Variants in KHDRBS2 observed in about 807,000 individuals in gnomAD.
KHDRBS2 encodes the protein KH RNA binding domain containing, signal transduction associated 2, also known as KH domain-containing, RNA-binding, signal transduction-associated protein 2.
A neutral mutation model predicts 44.3 loss-of-function variants in KHDRBS2; 26 were observed. That is an observed-to-expected ratio of 0.59 (90% CI 0.43 to 0.81). The LOEUF (loss-of-function observed/expected upper bound fraction) is 0.81, where lower values mean the gene tolerates loss of function less well. KHDRBS2 is among the 40% of genes least tolerant of loss of function. The pLI is 0.00. For synonymous variants in KHDRBS2, 194 were observed against 151.1 expected (o/e 1.28, Z -2.08); for missense variants, 476 against 433.1 (o/e 1.10, Z -0.88).
At chr6:61,614,394 T>G in the KHDRBS2 span, among the ~76,000 whole-genome samples, 6 of 152,172 alleles carry the variant, frequency 3.9e-5, no homozygotes, top group Non-Finnish European at 8.8e-5. Context: ...AAAAGAATCC[T>G]TTGCTAGGGA....
At chr6:62,084,429 C>T (rs2127357915) in intron 2 of KHDRBS2, among the ~76,000 whole-genome samples, 1 of 152,186 alleles carries the variant, frequency 6.6e-6, no homozygotes, top group Non-Finnish European at 1.5e-5. Flanking sequence ...TAAAGAAGAG[C>T]TCCCATGAAA....
Position 61,697,196 on chromosome 6 carries a change from G to A in KHDRBS2, c.951C>T (p.Tyr317=), listed in dbSNP as rs551423803. The A allele has an allele frequency of 2.3e-5, 37 of 1,599,544 alleles. No homozygotes were observed. Among genetic ancestry groups the A allele is most frequent in the African/African-American group, 6.7e-5 (5 of 74,696 alleles). ...HGVSEDAYDS[Y]APEEWATTRS... Reference sequence around the variant, plus strand: ...GTTTTAGTAAAGAAAAGGTCTTACCGTAGCTGTCATAGGCATCCTCACTTA... The same window carrying A: ...GTTTTAGTAAAGAAAAGGTCTTACCATAGCTGTCATAGGCATCCTCACTTA... The change falls in exon 8 of 9, where the codon TAC becomes TAT. Residue 317 remains tyrosine, a splice_region_variant and synonymous_variant. Coordinates refer to ENST00000281156, the MANE Select transcript of KHDRBS2 (RefSeq NM_152688.4).
the KHDRBS2 span, among the ~76,000 whole-genome samples, chr6:61,585,209 TA>T: frequency 2.7e-4 from 40 of 150,928 alleles, no homozygotes; most frequent in East Asian, 1.9e-3. Context: ...GAAAGAGTGA[TA>T]AAAAAAAATG....
At chr6:61,868,870 G>A (rs1798183334) in intron 6 of KHDRBS2, among the ~76,000 whole-genome samples, 1 of 152,166 alleles carries the variant, frequency 6.6e-6, no homozygotes, top group African/African-American at 2.4e-5. Flanking sequence ...GGGGATCCTT[G>A]GACTGGAGCA....
chr6:61,829,456 G>A lies in KHDRBS2; in HGVS notation c.810+65179C>T, dbSNP rs186533554. Among the ~76,000 whole-genome samples the A allele has an allele frequency of 9.2e-5, 14 of 152,194 alleles. No individual in the cohort carries two copies. In the South Asian group the frequency reaches 1.7e-3, roughly 18 times the overall value. ...TGGGATTACAAGCATGAGCCACTGC[G>A]CCCTATTGGATTGAGAATTTTAAGG... On this transcript the variant is annotated intron_variant, in intron 6 of 8. Coordinates refer to ENST00000281156, the MANE Select transcript of KHDRBS2 (RefSeq NM_152688.4).
intron 6 of KHDRBS2, among the ~76,000 whole-genome samples, chr6:61,768,669 T>C (rs185724546): frequency 2.0e-5 from 3 of 152,158 alleles, no homozygotes; most frequent in African/African-American, 7.2e-5. Context: ...TTTCAGTGTG[T>C]CAATTGCATT....
At chr6:61,735,464 T>C (rs1775188554) in intron 6 of KHDRBS2, among the ~76,000 whole-genome samples, 1 of 152,176 alleles carries the variant, frequency 6.6e-6, no homozygotes, top group Non-Finnish European at 1.5e-5. Flanking sequence ...ATTTATGAAT[T>C]TTGTAGCTAT....
At chr6:61,669,815 T>C in the KHDRBS2 span, among the ~76,000 whole-genome samples, 1 of 151,170 alleles carries the variant, frequency 6.6e-6, no homozygotes, top group Non-Finnish European at 1.5e-5. Context: ...GTGTGTACTA[T>C]GGATTAGTTC....
At chr6:61,737,174 C>A (rs1188050351) in intron 6 of KHDRBS2, among the ~76,000 whole-genome samples, 1 of 151,900 alleles carries the variant, frequency 6.6e-6, no homozygotes, top group Non-Finnish European at 1.5e-5. Context: ...TACTATTTGG[C>A]CCAGGAAGAT....
chr6:62,227,686 GA>G (rs1832139187), intron 1 of KHDRBS2, among the ~76,000 whole-genome samples: 1 of 152,142 alleles, frequency 6.6e-6, no homozygotes, highest in African/African-American at 2.4e-5. Flanking sequence ...TTTTTATTTT[GA>G]GATATGTTCT....
chr6:61,681,665 T>C (rs1409135267), intron 8 of KHDRBS2, among the ~76,000 whole-genome samples: 1 of 151,876 alleles, frequency 6.6e-6, no homozygotes, highest in Non-Finnish European at 1.5e-5. Context: ...TATCAGTTTT[T>C]CCAAGTAAAC....
At chr6:62,072,619 T>C (rs969836732) in intron 2 of KHDRBS2, among the ~76,000 whole-genome samples, 4 of 152,086 alleles carry the variant, frequency 2.6e-5, no homozygotes, top group African/African-American at 9.7e-5. Flanking sequence ...TTGTCTTTGG[T>C]TCTGTTTATA....
intron 7 of KHDRBS2, among the ~76,000 whole-genome samples, chr6:61,720,375 C>G (rs1032084979): frequency 1.2e-4 from 18 of 152,214 alleles, no homozygotes; most frequent in African/African-American, 2.9e-4. Flanking sequence ...AATGGTTGAA[C>G]TAGTTTACAG....
At chr6:62,278,673 A>G (rs1456202828) in intron 1 of KHDRBS2, among the ~76,000 whole-genome samples, 2 of 152,214 alleles carry the variant, frequency 1.3e-5, no homozygotes, top group African/African-American at 4.8e-5. Flanking sequence ...TAGAAAGTGG[A>G]AAAAAGGAGG....
chr6:61,817,022 A>C (rs115644110), intron 6 of KHDRBS2: 17 of 455,394 alleles, frequency 3.7e-5, no homozygotes, highest in African/African-American at 3.0e-4. Flanking sequence ...CATTAAGGAG[A>C]GGTACAGAGG....
At chr6:61,974,288 G>A (rs935915130) in intron 4 of KHDRBS2, among the ~76,000 whole-genome samples, 23 of 152,044 alleles carry the variant, frequency 1.5e-4, no homozygotes, top group African/African-American at 5.6e-4. Flanking sequence ...CCCTAGAGTT[G>A]CACAAGACAC....
chr6:62,139,335 G>A (rs572225611), intron 2 of KHDRBS2, among the ~76,000 whole-genome samples: 22 of 152,058 alleles, frequency 1.4e-4, no homozygotes, highest in African/African-American at 5.1e-4. Flanking sequence ...GGTGGATCAC[G>A]AGGTCAGGAG....
chr6:61,803,584 C>T (rs897366870), intron 6 of KHDRBS2, among the ~76,000 whole-genome samples: 14 of 152,228 alleles, frequency 9.2e-5, no homozygotes, highest in East Asian at 1.9e-4. Context: ...TCCATTCTCA[C>T]GCCCTGGAGA....
At chr6:62,202,832 A>C (rs1827261447) in intron 1 of KHDRBS2, among the ~76,000 whole-genome samples, 1 of 152,158 alleles carries the variant, frequency 6.6e-6, no homozygotes, top group African/African-American at 2.4e-5. Context: ...CTGTTCTGAG[A>C]AATGAGGGAT....
Sources: gnomAD v4.1 joint callset for allele counts (sites outside exome capture counted in the v4.1 genomes callset) on GRCh38, gnomAD v4.1.1 for gene constraint, MANE v1.5 for transcripts, NCBI Gene and HGNC (gene_info 2026-07-23, HGNC 2026-07-21) for gene names.